Variants in ACIN1 observed in about 807,000 individuals in gnomAD.
ACIN1 encodes apoptotic chromatin condensation inducer 1, also known as apoptotic chromatin condensation inducer in the nucleus.
ACIN1 carries 16 observed loss-of-function variants against 146.6 expected under a neutral mutation model. That is an observed-to-expected ratio of 0.11 (90% CI 0.07 to 0.17). The LOEUF (loss-of-function observed/expected upper bound fraction) is 0.17. ACIN1 is among the 10% of genes least tolerant of loss of function. The pLI is 1.00. For missense variants in ACIN1, 1,357 were observed against 1,609.3 expected (o/e 0.84, Z 2.68); for synonymous variants, 569 against 582.7 (o/e 0.98, Z 0.34).
At chr14:23,095,344 C>G, upstream of ACIN1, 3 of 1,540,016 alleles carry the variant, frequency 1.9e-6, no homozygotes, top group Non-Finnish European at 1.8e-6. Context: ...GCCCTGCTTT[C>G]AGGCTCGGTT....
chr14:23,083,229 G>C (rs576007174), intron 4 of ACIN1, among the ~76,000 whole-genome samples: 4 of 151,660 alleles, frequency 2.6e-5, no homozygotes, highest in East Asian at 2.0e-4. Context: ...TTTTTAGACA[G>C]TGTTTTACTC....
At chr14:23,073,901 C>T (rs549442030) in intron 8 of ACIN1, among the ~76,000 whole-genome samples, 1 of 148,888 alleles carries the variant, frequency 6.7e-6, no homozygotes, top group Admixed American at 6.7e-5. Flanking sequence ...TGCAGTGGCA[C>T]AATCTCAGCT....
At chr14:23,060,666 T>C (rs57679347) in intron 18 of ACIN1, among the ~76,000 whole-genome samples, 1,545 of 152,278 alleles carry the variant, frequency 0.01, 29 homozygotes, top group African/African-American at 0.035. Flanking sequence ...CGCTTGCCAC[T>C]GCACCCGGCT....
At chr14:23,060,079 T>C (rs1337995193) in intron 18 of ACIN1, among the ~76,000 whole-genome samples, 1 of 149,352 alleles carries the variant, frequency 6.7e-6, no homozygotes, top group Non-Finnish European at 1.5e-5. Context: ...TGCCTCAGCC[T>C]CCCTAGTAGC....
At chr14:23,076,217 G>A (rs2047797655) in intron 8 of ACIN1, among the ~76,000 whole-genome samples, 1 of 152,152 alleles carries the variant, frequency 6.6e-6, no homozygotes, top group Admixed American at 6.5e-5. Flanking sequence ...AGGCTTCTGG[G>A]CATGCTGTTT....
rs968233704 is a variant in ACIN1, at chr14:23,068,169, C to T, written c.2265+1307G>A. On this transcript the variant is annotated intron_variant, in intron 9 of 18. Transcript: ENST00000605057. This position sits in a 1 kb window ranked among gnomAD's most constrained non-coding sequence, Gnocchi z 4.3. ...GGCTCAGACCCTAGACTCCTCTGCA[C>T]GGTTCCTAGTCGTCACAGCTTAAGT... The T allele has an allele frequency of 2.1e-5, 21 of 985,910 alleles. No homozygotes were observed. The highest frequency in any genetic ancestry group is 1.1e-4 in the East Asian group (1 of 8,816). The allele number at this position is 985,910 out of a possible 1,614,324, so 61.1% of individuals were successfully genotyped here.
At chr14:23,081,914 A>G in intron 4 of ACIN1, 78 bp from the exon 5 acceptor site, 3 of 1,127,910 alleles carry the variant, frequency 2.7e-6, no homozygotes, top group Non-Finnish European at 3.9e-6. Flanking sequence ...AGGCTTTCTA[A>G]TATCCAACCA....
Position 23,062,253 on chromosome 14 carries a change from A to G in ACIN1, c.3014T>C (p.Val1005Ala). ...CCCGTGCAGAGCTGTGCGGGTGGCA[A>G]CAGCTTCCTCTACTGTTGAGTACTG... ...FVTYSTVEEA[V>A]ATRTALHGVK... is the part of the protein sequence containing the mutation. Residue 1005 changes from valine (V) to alanine (A), a missense_variant, in exon 16 of 19, where the codon GTT becomes GCT. Physicochemically the swap from Val to Ala is moderately conservative, Grantham distance 64. Transcript: ENST00000605057. The G allele has an allele frequency of 3.7e-6, 6 of 1,614,068 alleles. No homozygotes were observed. Among genetic ancestry groups the G allele is most frequent in the Non-Finnish European group, 5.1e-6 (6 of 1,179,990 alleles).
intron 8 of ACIN1, among the ~76,000 whole-genome samples, chr14:23,072,361 C>T (rs2047685263): frequency 1.3e-5 from 2 of 152,236 alleles, no homozygotes; most frequent in Admixed American, 6.5e-5. Flanking sequence ...CCTTGGGTAG[C>T]TGAAGCTTGA....
Position 23,061,479 on chromosome 14 carries a change from T to G in ACIN1, c.3243A>C (p.Glu1081Asp). 6.3e-7 allele frequency: 1 copy of G among 1,597,714 alleles called. No homozygotes were observed. The highest frequency in any genetic ancestry group is 8.5e-7 in the Non-Finnish European group (1 of 1,171,310). Residue 1081 changes from glutamate (E) to aspartate (D), a missense_variant, in exon 17 of 19, where the codon GAA (glutamate) becomes GAC (aspartate). Glu to Asp is a conservative substitution (Grantham distance 45). This residue lies in a region of ACIN1 where 509 missense variants were observed against 719.6 expected (regional missense o/e 0.71). Transcript: ENST00000605057. ...CTGCCCACTGTTCCCGCACTGCCCG[T>G]TCCTGCTCCCGCTGCTCTGCCCGGG... is the stretch of plus-strand genomic sequence containing the variant. ...QHPRAEQREQ[E>D]RAVREQWAER... is the part of the protein sequence containing the mutation.
At chr14:23,064,647 C>A in intron 10 of ACIN1, 159 bp from the exon 11 acceptor site, 1 of 1,071,586 alleles carries the variant, frequency 9.3e-7, no homozygotes, top group African/African-American at 1.6e-5. Flanking sequence ...ACCTGTAATC[C>A]CAGCACTTTG....
chr14:23,072,809 T>C (rs1292785634), intron 8 of ACIN1, among the ~76,000 whole-genome samples: 1 of 152,244 alleles, frequency 6.6e-6, no homozygotes, highest in African/African-American at 2.4e-5. Flanking sequence ...TTTCACATAG[T>C]GGTCCCTGTC....
At position 23,078,348 on chromosome 14, in the gene ACIN1, G is replaced by A. The variant is rs1048276637; in HGVS notation, c.2008-82C>T. Reference sequence around the variant, plus strand: ...TTTCTTCTACCTGGAGCCTGAAAAAGGCAGGGCAGGACATACACAGTACCA... The same window carrying A: ...TTTCTTCTACCTGGAGCCTGAAAAAAGCAGGGCAGGACATACACAGTACCA... On this transcript the variant is annotated intron_variant, in intron 7 of 18. Coordinates refer to ENST00000605057, the MANE Select transcript of ACIN1 (RefSeq NM_001386863.1). The A allele has an allele frequency of 1.1e-5, 13 of 1,227,362 alleles. No individual in the cohort carries two copies. In the African/African-American group the frequency reaches 1.8e-4, roughly 17 times the overall value. 76.0% of individuals were successfully genotyped at this position (1,227,362 alleles called of 1,614,324 possible). A position where few individuals can be genotyped will look rare whatever the true frequency, so the allele number is the denominator to read the frequency against.
At chr14:23,069,341 C>A in intron 9 of ACIN1, 135 bp downstream of exon 9, 1 of 1,448,582 alleles carries the variant, frequency 6.9e-7, no homozygotes, top group Admixed American at 2.7e-5. Flanking sequence ...TCCCTTGGCC[C>A]TATTCTGATC....
intron 18 of ACIN1, among the ~76,000 whole-genome samples, chr14:23,060,343 CCCTA>C (rs2047236638): frequency 6.6e-6 from 1 of 152,092 alleles, no homozygotes; most frequent in Non-Finnish European, 1.5e-5. Context: ...TTCCCTAGCT[CCCTA>C]CCGTCAGCGT....
rs779818899 is a variant in ACIN1 at position 23,059,100 on chromosome 14, C to G, written c.*48G>C. 6.3e-7 allele frequency: 1 copy of G among 1,580,600 alleles called. No homozygotes were observed. The highest frequency in any genetic ancestry group is 8.6e-7 in the Non-Finnish European group (1 of 1,158,218). On this transcript the variant is annotated 3_prime_UTR_variant, in exon 19 of 19. Coordinates refer to ENST00000605057, the MANE Select transcript of ACIN1 (RefSeq NM_001386863.1). ...TGTGCCTATCCCTCTGTGGCCATAACCCCCTGGGGCCGAGTGGCTGGTACC... is the reference window on the plus strand; with the variant it reads ...TGTGCCTATCCCTCTGTGGCCATAAGCCCCTGGGGCCGAGTGGCTGGTACC...
In ACIN1 at chr14:23,069,573, G is replaced by A; in HGVS notation, c.2168C>T (p.Pro723Leu). The A allele has an allele frequency of 6.2e-7, 1 of 1,613,350 alleles. No homozygotes were observed. Among genetic ancestry groups the A allele is most frequent in the Non-Finnish European group, 8.5e-7 (1 of 1,179,756 alleles). Residue 723 changes from proline to leucine, a missense_variant, in exon 9 of 19, where the codon CCT (proline) becomes CTT (leucine). By Grantham distance (98) the Pro-to-Leu change is moderately conservative. Around this residue, in one of 4 missense-constraint regions of ACIN1, gnomAD observed 771 missense variants for 746.6 expected, o/e 1.03. Coordinates refer to ENST00000605057, the MANE Select transcript of ACIN1 (RefSeq NM_001386863.1). The stretch of plus-strand genomic sequence containing the variant: ...GGGAGGTTCTGGAACATCATTTTCA[G>A]GTCTGTTTTCACTTGTGTCCATGGT... The part of the protein sequence containing the change: ...EVTMDTSENR[P>L]ENDVPEPPMP...
At chr14:23,085,950 G>A (rs987849731) in intron 4 of ACIN1, among the ~76,000 whole-genome samples, 2 of 152,246 alleles carry the variant, frequency 1.3e-5, no homozygotes, top group African/African-American at 4.8e-5. Flanking sequence ...AAAGGCAGTT[G>A]CTAGACAATG....
intron 18 of ACIN1, among the ~76,000 whole-genome samples, chr14:23,059,688 C>T (rs1400462163): frequency 1.3e-5 from 2 of 150,790 alleles, no homozygotes; most frequent in Admixed American, 6.6e-5. Flanking sequence ...AGTCTCGCTC[C>T]GTCGCCCAGG....
Sources: gnomAD v4.1 joint callset for allele counts (sites outside exome capture counted in the v4.1 genomes callset) on GRCh38, gnomAD v4.1.1 for gene constraint, gnomAD v4.1.1 regional missense constraint, Gnocchi (gnomAD v3.1) non-coding constraint, MANE v1.5 for transcripts, NCBI Gene and HGNC (gene_info 2026-07-23, HGNC 2026-07-21) for gene names.